The following ADGRB3 variants were observed in gnomAD, a reference collection of about 807,000 sequenced individuals.
ADGRB3 encodes brain-specific angiogenesis inhibitor 3.
A neutral mutation model predicts 193.4 loss-of-function variants in ADGRB3; 37 were observed. The ratio of observed to expected loss-of-function variants is 0.19; its 90% CI spans 0.15 to 0.25. ADGRB3 has a LOEUF of 0.25. ADGRB3 is among the 10% of genes least tolerant of loss of function. ADGRB3 has a pLI of 1.00. For synonymous variants in ADGRB3, 690 were observed against 644.2 expected (o/e 1.07, Z -1.08); for missense variants, 1,637 against 1,852.9 (o/e 0.88, Z 2.14).
intron 17 of ADGRB3, among the ~76,000 whole-genome samples, chr6:69,188,953 A>C (rs889869419): frequency 6.6e-6 from 1 of 152,196 alleles, no homozygotes. Context: ...AAATAAAATA[A>C]AAATAATATC....
intron 17 of ADGRB3, among the ~76,000 whole-genome samples, chr6:69,134,238 C>T (rs1774089583): frequency 6.6e-6 from 1 of 152,090 alleles, no homozygotes; most frequent in African/African-American, 2.4e-5. Context: ...CCTTTTTAGT[C>T]ACCATTTATG....
intron 17 of ADGRB3, among the ~76,000 whole-genome samples, chr6:69,102,177 CA>C (rs777752874): frequency 1.5e-3 from 141 of 91,112 alleles, no homozygotes; most frequent in African/African-American, 4.3e-3. Context: ...GACTCCGTCT[CA>C]AAAAAAAAAA....
chr6:68,989,325 A>T (rs990260831), intron 10 of ADGRB3, among the ~76,000 whole-genome samples: 8 of 152,186 alleles, frequency 5.3e-5, no homozygotes, highest in Non-Finnish European at 1.0e-4. Context: ...AATATGAAAA[A>T]CTTTAAACAG....
chr6:69,004,553 T>A (rs559234892), intron 11 of ADGRB3, among the ~76,000 whole-genome samples: 2 of 131,326 alleles, frequency 1.5e-5, no homozygotes. Flanking sequence ...CCTAATGCTA[T>A]CCCTCCCCCC....
Position 69,107,448 on chromosome 6 carries a change from G to A in ADGRB3, c.2480+31410G>A, listed in dbSNP as rs527698353. Among the ~76,000 whole-genome samples, 11 of 152,246 alleles carry A rather than the reference G, an allele frequency of 7.2e-5. No individual in the cohort carries two copies. The East Asian group carries it at 1.9e-3, about 27-fold the overall frequency. ...TGTGCAAATATTATGCAAGGTGCTA[G>A]GAGTAAAAGAGTTTTGCTTTTTATA... is the stretch of plus-strand genomic sequence containing the variant. On this transcript the variant is annotated intron_variant, in intron 17 of 31. Coordinates refer to ENST00000370598, the MANE Select transcript of ADGRB3 (RefSeq NM_001704.3).
intron 3 of ADGRB3, among the ~76,000 whole-genome samples, chr6:68,810,761 A>T (rs1767495093): frequency 6.6e-6 from 1 of 152,166 alleles, no homozygotes; most frequent in Admixed American, 6.5e-5. Context: ...AAAAAAGTGA[A>T]ATATGAAGCA....
chr6:69,201,394 T>G (rs1474056068), intron 17 of ADGRB3, among the ~76,000 whole-genome samples: 1 of 152,008 alleles, frequency 6.6e-6, no homozygotes, highest in Non-Finnish European at 1.5e-5. Flanking sequence ...CCCTTTTGAC[T>G]ACCTATCTTT....
intron 3 of ADGRB3, among the ~76,000 whole-genome samples, chr6:68,701,892 T>C (rs891747615): frequency 2.0e-5 from 3 of 152,164 alleles, no homozygotes; most frequent in African/African-American, 4.8e-5. Context: ...TCTTTAAAGA[T>C]AGAAGTGATG....
At chr6:69,351,237 C>A (rs1332099217) in intron 26 of ADGRB3, among the ~76,000 whole-genome samples, 2 of 151,860 alleles carry the variant, frequency 1.3e-5, no homozygotes, top group Non-Finnish European at 2.9e-5. Flanking sequence ...GGATTACAGG[C>A]ACCTGCCACC....
intron 3 of ADGRB3, among the ~76,000 whole-genome samples, chr6:68,903,525 AAT>A (rs1228204222): frequency 6.6e-6 from 1 of 152,172 alleles, no homozygotes. Flanking sequence ...GAATTTTTTA[AAT>A]ATAAAATTTT....
intron 31 of ADGRB3, 24 bp downstream of exon 31, chr6:69,382,959 C>A: frequency 6.8e-7 from 1 of 1,479,400 alleles, no homozygotes; most frequent in Non-Finnish European, 9.4e-7. Context: ...GCTTCAATGC[C>A]TGAGTAGAAG....
chr6:68,913,730 C>T (rs999671531), intron 3 of ADGRB3, among the ~76,000 whole-genome samples: 6 of 151,912 alleles, frequency 3.9e-5, no homozygotes, highest in Non-Finnish European at 5.9e-5. Flanking sequence ...AGGCTTCAGA[C>T]GATCAAACTA....
intron 3 of ADGRB3, among the ~76,000 whole-genome samples, chr6:68,792,374 TCCTATGA>T (rs1247557083): frequency 1.3e-5 from 2 of 152,192 alleles, no homozygotes; most frequent in Non-Finnish European, 2.9e-5. Context: ...ATTGCTCCTG[TCCTATGA>T]GCATTAATGC....
At chr6:69,369,315 C>T (rs1338250890) in intron 29 of ADGRB3, among the ~76,000 whole-genome samples, 1 of 152,102 alleles carries the variant, frequency 6.6e-6, no homozygotes, top group Non-Finnish European at 1.5e-5. Flanking sequence ...TGTATGTATA[C>T]CAACGGTGGA....
intron 20 of ADGRB3, among the ~76,000 whole-genome samples, chr6:69,309,066 T>A (rs1485324504): frequency 6.6e-6 from 1 of 151,714 alleles, no homozygotes; most frequent in Non-Finnish European, 1.5e-5. Flanking sequence ...CAACAGTGAT[T>A]GGTGAACTCC....
At chr6:69,238,675 A>G (rs1428018566) in intron 19 of ADGRB3, among the ~76,000 whole-genome samples, 1 of 151,974 alleles carries the variant, frequency 6.6e-6, no homozygotes, top group Non-Finnish European at 1.5e-5. Context: ...AATACTTCAC[A>G]ATTTGAGTTT....
intron 20 of ADGRB3, among the ~76,000 whole-genome samples, chr6:69,292,233 T>C (rs1055208306): frequency 1.3e-5 from 2 of 152,160 alleles, no homozygotes; most frequent in African/African-American, 4.8e-5. Flanking sequence ...AACCATGAAC[T>C]TCCTCAGGAC....
At chr6:68,812,280 A>G (rs1025516627) in intron 3 of ADGRB3, among the ~76,000 whole-genome samples, 3 of 152,180 alleles carry the variant, frequency 2.0e-5, no homozygotes, top group Admixed American at 6.5e-5. Flanking sequence ...GAGGTGATGG[A>G]TAATAGAAAT....
intron 3 of ADGRB3, among the ~76,000 whole-genome samples, chr6:68,875,852 A>T (rs1364179667): frequency 6.6e-6 from 1 of 152,094 alleles, no homozygotes; most frequent in Non-Finnish European, 1.5e-5. Context: ...ACTTACATAG[A>T]ATGAGAAGGA....
Sources: gnomAD v4.1 joint callset for allele counts (sites outside exome capture counted in the v4.1 genomes callset) on GRCh38, gnomAD v4.1.1 for gene constraint, MANE v1.5 for transcripts, NCBI Gene and HGNC (gene_info 2026-07-23, HGNC 2026-07-21) for gene names.